Variants in NTRK2 observed in about 807,000 individuals in gnomAD.
The protein encoded by NTRK2 is BDNF/NT-3 growth factors receptor.
NTRK2 carries 13 observed loss-of-function variants against 94.5 expected under a neutral mutation model. The ratio of observed to expected loss-of-function variants is 0.14; its 90% CI spans 0.09 to 0.22. NTRK2 has a LOEUF of 0.22. NTRK2 is among the 10% of genes least tolerant of loss of function. The probability of loss-of-function intolerance (pLI) is 1.00; values close to 1 mark genes in which losing one functional copy is unlikely to be tolerated. For missense variants in NTRK2, 639 were observed against 1,071.2 expected, an observed-to-expected ratio of 0.60 and a Z score of 5.63; for synonymous variants, 372 against 407.4, an observed-to-expected ratio of 0.91 and a Z score of 1.05.
At chr9:85,004,780 A>G (rs1020105486) in intron 17 of NTRK2, among the ~76,000 whole-genome samples, 4 of 152,226 alleles carry the variant, frequency 2.6e-5, no homozygotes, top group Non-Finnish European at 5.9e-5. Context: ...AAATTGTTTC[A>G]GGAGTCAAAG....
chr9:84,960,971 G>C (rs1824847964), intron 17 of NTRK2, among the ~76,000 whole-genome samples: 1 of 152,154 alleles, frequency 6.6e-6, no homozygotes, highest in African/African-American at 2.4e-5. Flanking sequence ...AATAAATAAG[G>C]TACTCAGATT....
At chr9:84,783,062 G>A (rs2067755852) in intron 12 of NTRK2, among the ~76,000 whole-genome samples, 1 of 152,126 alleles carries the variant, frequency 6.6e-6, no homozygotes. Flanking sequence ...GAAATAGGCT[G>A]TTCTCCTACT....
At chr9:84,968,397 G>GT (rs2133110886) in intron 17 of NTRK2, among the ~76,000 whole-genome samples, 1 of 152,292 alleles carries the variant, frequency 6.6e-6, no homozygotes, top group African/African-American at 2.4e-5. Flanking sequence ...GCAGAGCAAA[G>GT]TTCTAAAGCT....
At chr9:84,873,841 A>C (rs2132132142) in intron 14 of NTRK2, 9 of 1,058,316 alleles carry the variant, frequency 8.5e-6, no homozygotes, top group African/African-American at 1.6e-5. Flanking sequence ...GAAACACTCC[A>C]GTCCTAAGCT....
intron 12 of NTRK2, among the ~76,000 whole-genome samples, chr9:84,826,059 C>A (rs1293831814): frequency 6.6e-6 from 1 of 152,176 alleles, no homozygotes; most frequent in Non-Finnish European, 1.5e-5. Flanking sequence ...CACCCCCCAC[C>A]CGCCATGGAC....
In NTRK2 at chr9:84,706,514, A is replaced by ATT. The variant is rs1251771059; in HGVS notation, c.360-1325_360-1324dup. ...GTCACCCTCAGATCTCATGTGTGTTATTTTTTGTTTTTGTTTTTTTTTTTT... is the reference window on the plus strand; with the variant it reads ...GTCACCCTCAGATCTCATGTGTGTTATTTTTTTTGTTTTTGTTTTTTTTTTTT... On this transcript the variant is annotated intron_variant, in intron 4 of 18. Transcript: ENST00000277120. Among the ~76,000 whole-genome samples, 359 of 68,548 alleles carry ATT rather than the reference A, an allele frequency of 5.2e-3. 14 individuals carry two copies. Among genetic ancestry groups the ATT allele is most frequent in the African/African-American group, 0.018 (335 of 18,402 alleles). 45.0% of individuals were successfully genotyped at this position (68,548 alleles called of 152,430 possible).
At chr9:84,804,306 CTCTT>C (rs2070850144) in intron 12 of NTRK2, among the ~76,000 whole-genome samples, 1 of 152,142 alleles carries the variant, frequency 6.6e-6, no homozygotes, top group Non-Finnish European at 1.5e-5. Context: ...CCTCCTCTTC[CTCTT>C]TCTATCTCTT....
intron 15 of NTRK2, among the ~76,000 whole-genome samples, chr9:84,939,502 A>G (rs1223214529): frequency 6.6e-6 from 1 of 152,206 alleles, no homozygotes; most frequent in Non-Finnish European, 1.5e-5. Context: ...ATCAAATAAT[A>G]TAAAGGAGTG....
intron 14 of NTRK2, among the ~76,000 whole-genome samples, chr9:84,879,099 G>A (rs1273842563): frequency 6.6e-6 from 1 of 152,062 alleles, no homozygotes; most frequent in African/African-American, 2.4e-5. Context: ...TTTGTTGTAT[G>A]TGACTCTCCA....
chr9:84,749,314 A>T (rs941017740), intron 11 of NTRK2, among the ~76,000 whole-genome samples: 2 of 152,060 alleles, frequency 1.3e-5, no homozygotes, highest in Admixed American at 6.6e-5. Flanking sequence ...GAAGAGAATG[A>T]TCATTACTTT....
rs200123628 is a variant in NTRK2 at position 84,875,932 on chromosome 9, G to A, written c.1633+8501G>A. The stretch of plus-strand genomic sequence containing the variant: ...AATGAGTTCAAATGAATAAGTTCCT[G>A]TGATGTAAGAGATTAGATATGTGTG... On this transcript the variant is annotated intron_variant, in intron 14 of 18. Transcript: ENST00000277120. 19 of 1,037,372 alleles carry A rather than the reference G, an allele frequency of 1.8e-5. 1 individual carries two copies. In the African/African-American group the frequency reaches 2.7e-4, roughly 15 times the overall value. The allele number at this position is 1,037,372 out of a possible 1,614,324, so 64.3% of individuals were successfully genotyped here.
At chr9:84,929,383 G>T (rs956983179) in intron 14 of NTRK2, among the ~76,000 whole-genome samples, 1 of 152,028 alleles carries the variant, frequency 6.6e-6, no homozygotes, top group Admixed American at 6.6e-5. Context: ...GCCCAGACAG[G>T]GTGCAGATCA....
At position 84,948,527 on chromosome 9, in the gene NTRK2, C is replaced by T; in HGVS notation, c.1830C>T (p.Asn610=). The T allele has an allele frequency of 1.2e-6, 2 of 1,614,178 alleles. No homozygotes were observed. The highest frequency in any genetic ancestry group is 2.2e-5 in the East Asian group (1 of 44,872). The part of the protein sequence containing the change: ...DFHREAELLT[N]LQHEHIVKFY... ...ACCGTGAGGCCGAGCTCCTGACCAA[C>T]CTCCAGCATGAGCACATCGTCAAGT... The change falls in exon 16 of 19, where the codon AAC becomes AAT. Residue 610 remains asparagine (N), a synonymous_variant. Coordinates refer to ENST00000277120, the MANE Select transcript of NTRK2 (RefSeq NM_006180.6).
At chr9:84,777,376 A>G (rs2067150111) in intron 12 of NTRK2, among the ~76,000 whole-genome samples, 1 of 152,180 alleles carries the variant, frequency 6.6e-6, no homozygotes, top group African/African-American at 2.4e-5. Flanking sequence ...GTTAATAATC[A>G]TTTTCTAATA....
intron 17 of NTRK2, among the ~76,000 whole-genome samples, chr9:85,003,339 T>C (rs1002955353): frequency 6.6e-6 from 1 of 152,220 alleles, no homozygotes; most frequent in African/African-American, 2.4e-5. Flanking sequence ...TGCTCAGCAC[T>C]ATACTGAGTA....
chr9:84,882,719 T>TGTGTGTGCGC (rs761042296), intron 14 of NTRK2, among the ~76,000 whole-genome samples: 1 of 145,742 alleles, frequency 6.9e-6, no homozygotes, highest in African/African-American at 2.6e-5. Context: ...TGTGTGTGTG[T>TGTGTGTGCGC]GCGCGCGCGC....
intron 11 of NTRK2, among the ~76,000 whole-genome samples, chr9:84,751,409 GTC>G (rs948514924): frequency 6.6e-6 from 1 of 152,086 alleles, no homozygotes; most frequent in African/African-American, 2.4e-5. Context: ...GCAAAACCCT[GTC>G]TCTGCAAAAA....
intron 17 of NTRK2, among the ~76,000 whole-genome samples, chr9:85,016,787 G>A (rs1392943275): frequency 6.6e-6 from 1 of 152,080 alleles, no homozygotes; most frequent in Non-Finnish European, 1.5e-5. Context: ...ACTTTTATTA[G>A]ATTGTCCCAC....
At chr9:84,918,223 C>A (rs1480508077) in intron 14 of NTRK2, among the ~76,000 whole-genome samples, 2 of 152,212 alleles carry the variant, frequency 1.3e-5, no homozygotes, top group East Asian at 3.9e-4. Flanking sequence ...AACCAAGACT[C>A]CAACAGCGCC....
Sources: gnomAD v4.1 joint callset for allele counts (sites outside exome capture counted in the v4.1 genomes callset) on GRCh38, gnomAD v4.1.1 for gene constraint, MANE v1.5 for transcripts, NCBI Gene and HGNC (gene_info 2026-07-23, HGNC 2026-07-21) for gene names.